Variants in MATR3 observed in about 807,000 individuals in gnomAD.
MATR3 encodes the protein matrin 3, also known as matrin-3.
MATR3 carries 4 observed loss-of-function variants against 85.5 expected under a neutral mutation model. The ratio of observed to expected loss-of-function variants is 0.05; its 90% confidence interval spans 0.02 to 0.11. MATR3 has a LOEUF of 0.11. Ranked by LOEUF, MATR3 falls within the 10% of genes least tolerant of loss-of-function variation. The pLI is 1.00. For missense variants in MATR3, 685 were observed against 1,016.1 expected (o/e 0.67, Z 4.43); for synonymous variants, 336 against 343.1 (o/e 0.98, Z 0.23).
Position 139,318,943 on chromosome 5 carries a change from G to A in MATR3, c.1344G>A (p.Gln448=). 6.2e-7 allele frequency: 1 copy of A among 1,614,126 alleles called. No homozygotes were observed. The highest frequency in any genetic ancestry group is 2.2e-5 in the East Asian group (1 of 44,890). Residue 448 remains glutamine (Q), a synonymous_variant, in exon 8 of 15, where the codon CAG becomes CAA. Coordinates refer to ENST00000394805, the MANE Select transcript of MATR3 (RefSeq NM_018834.6). ...FIEMATTEDA[Q]AAVDYYTTTP... is the part of the protein sequence containing the mutation. ...AAATGGCAACCACAGAGGATGCTCA[G>A]GCCGCAGTGGATTATTACACAACCA... is the stretch of plus-strand genomic sequence containing the variant.
Position 139,325,485 on chromosome 5 carries a change from G to A in MATR3, c.2194G>A (p.Glu732Lys), listed in dbSNP as rs754841741. The A allele has an allele frequency of 6.2e-7, 1 of 1,614,162 alleles. No individual in the cohort carries two copies. The highest frequency in any genetic ancestry group is 8.5e-7 in the Non-Finnish European group (1 of 1,180,032). Residue 732 changes from glutamate (E) to lysine (K), a missense_variant, in exon 13 of 15, where the codon GAA becomes AAA. Around this residue, in one of 9 missense-constraint regions of MATR3, gnomAD observed 215 missense variants for 194.7 expected, o/e 1.10. Transcript: ENST00000394805. ...TGATCAAGAAAACGAAGCAGCGTTG[G>A]AAAATGGAATTAAAAATGAGGAAAA... ...ELDQENEAAL[E>K]NGIKNEENTE...
intron 1 of MATR3, among the ~76,000 whole-genome samples, chr5:139,306,675 A>G (rs1355326267): frequency 6.6e-6 from 1 of 152,102 alleles, no homozygotes; most frequent in Non-Finnish European, 1.5e-5. Context: ...ATCTATCTTC[A>G]CCTCAAATTG....
At chr5:139,299,150 G>A (rs1201137118) in intron 1 of MATR3, among the ~76,000 whole-genome samples, 1 of 152,138 alleles carries the variant, frequency 6.6e-6, no homozygotes, top group Non-Finnish European at 1.5e-5. Context: ...TATATACACT[G>A]GTTTGTATAA....
intron 3 of MATR3, chr5:139,315,176 CT>C (rs1205058560): frequency 1.5e-5 from 3 of 196,304 alleles, no homozygotes; most frequent in Non-Finnish European, 3.1e-5. Context: ...CTTTTGAGAT[CT>C]TTGGTTTTGA....
At chr5:139,320,741 TA>T (rs1755517396) in intron 9 of MATR3, among the ~76,000 whole-genome samples, 1 of 146,450 alleles carries the variant, frequency 6.8e-6, no homozygotes, top group Admixed American at 6.9e-5. Flanking sequence ...TTAAGCTTAT[TA>T]CTTTTTTTTT....
At chr5:139,325,220 G>A (rs1755787740) in intron 12 of MATR3, 14 of 1,520,982 alleles carry the variant, frequency 9.2e-6, no homozygotes, top group Non-Finnish European at 1.2e-5. Flanking sequence ...GACGCTATCC[G>A]TTTCCCTTCA....
chr5:139,314,831 C>G (rs941406614), intron 3 of MATR3, 95 bp downstream of exon 3: 1 of 1,079,038 alleles, frequency 9.3e-7, no homozygotes, highest in African/African-American at 1.6e-5. Flanking sequence ...GTAATATCCA[C>G]AATGTTAATA....
chr5:139,287,931 C>T (rs190799411), intron 3 of MATR3, among the ~76,000 whole-genome samples: 1 of 152,254 alleles, frequency 6.6e-6, no homozygotes, highest in East Asian at 1.9e-4. Flanking sequence ...ATTTTGGTGG[C>T]CGGGCATGGT....
At chr5:139,329,309 A>G (rs918839157) in intron 14 of MATR3, 36 bp from the exon 15 acceptor site, 2 of 1,479,984 alleles carry the variant, frequency 1.4e-6, no homozygotes, top group Non-Finnish European at 1.9e-6. Flanking sequence ...CATTTCTCTT[A>G]GGTGACTTAA....
upstream of MATR3, among the ~76,000 whole-genome samples, chr5:139,289,555 A>G (rs150463554): frequency 6.6e-6 from 1 of 152,378 alleles, no homozygotes; most frequent in African/African-American, 2.4e-5. Context: ...TATAATGTCC[A>G]TGTCTTCCTT....
At chr5:139,299,562 C>G (rs1396761345) in intron 1 of MATR3, among the ~76,000 whole-genome samples, 1 of 152,050 alleles carries the variant, frequency 6.6e-6, no homozygotes, top group Non-Finnish European at 1.5e-5. Context: ...GTGGTCCCTG[C>G]TGAGACCAAG....
rs1266717607 is a variant in MATR3 at position 139,329,892 on chromosome 5, G to A, written c.*497G>A. On this transcript the variant is annotated 3_prime_UTR_variant, in exon 15 of 15. Transcript: ENST00000394805. ...TTCATTTTTGGAGAACTTAATTAAC[G>A]TGAGATTGGCAATTGAAATGCAGGT... 2 of 454,476 alleles carry A rather than the reference G, an allele frequency of 4.4e-6. No individual in the cohort carries two copies. Among genetic ancestry groups the A allele is most frequent in the South Asian group, 1.6e-5 (1 of 64,478 alleles). The allele number at this position is 454,476 out of a possible 1,614,324, so 28.2% of individuals were successfully genotyped here. A position where few individuals can be genotyped will look rare whatever the true frequency, so the allele number is the denominator to read the frequency against.
In MATR3 at chr5:139,330,628, A is replaced by G. The variant is rs1244863056; in HGVS notation, c.*1233A>G. On this transcript the variant is annotated 3_prime_UTR_variant, in exon 15 of 15. Transcript: ENST00000394805. The stretch of plus-strand genomic sequence containing the variant: ...AGTGAGGCCATTTGTGGTTTTTAAA[A>G]ACCTTATGAATTAAAAATGCTACAG... 5 of 454,028 alleles carry G rather than the reference A, an allele frequency of 1.1e-5. No homozygotes were observed. Among genetic ancestry groups the G allele is most frequent in the Non-Finnish European group, 1.8e-5 (4 of 226,804 alleles). The allele number at this position is 454,028 out of a possible 1,614,324, so 28.1% of individuals were successfully genotyped here.
chr5:139,302,995 T>TAAACCATAAACAA (rs961296361), intron 1 of MATR3, among the ~76,000 whole-genome samples: 1 of 152,148 alleles, frequency 6.6e-6, no homozygotes, highest in Non-Finnish European at 1.5e-5. Context: ...GTTTTATGGT[T>TAAACCATAAACAA]AAACCATAAA....
rs1756068487 is a variant in MATR3 at position 139,330,178 on chromosome 5, A to G, written c.*783A>G. 2 of 454,342 alleles carry G rather than the reference A, an allele frequency of 4.4e-6. No homozygotes were observed. The highest frequency in any genetic ancestry group is 8.8e-6 in the Non-Finnish European group (2 of 226,674). The allele number at this position is 454,342 out of a possible 1,614,324, so 28.1% of individuals were successfully genotyped here. On this transcript the variant is annotated 3_prime_UTR_variant, in exon 15 of 15. Transcript: ENST00000394805. ...ATTTGATTTTTGAAGTGTGTAGACC[A>G]TCTCTTCATATTTTCAAGATGTAAT...
At chr5:139,293,687 G>A (rs1165360471), upstream of MATR3, 2 of 308,364 alleles carry the variant, frequency 6.5e-6, no homozygotes, top group African/African-American at 2.2e-5. Flanking sequence ...TTTGTTCTTG[G>A]GCTGCAGCCG....
chr5:139,299,127 T>C (rs898273828), intron 1 of MATR3, among the ~76,000 whole-genome samples: 1 of 152,226 alleles, frequency 6.6e-6, no homozygotes, highest in African/African-American at 2.4e-5. Context: ...GTTAATGTTT[T>C]GTTTCGTATT....
rs991876703 is a variant in MATR3 at position 139,329,990 on chromosome 5, A to G, written c.*595A>G. 4 of 452,622 alleles carry G rather than the reference A, an allele frequency of 8.8e-6. No individual in the cohort carries two copies. Among genetic ancestry groups the G allele is most frequent in the African/African-American group, 2.0e-5 (1 of 49,796 alleles). 28.0% of individuals were successfully genotyped at this position (452,622 alleles called of 1,614,324 possible). ...TAAGTAATTGGCTTTAGATTTTGTA[A>G]TTTTTTTCCCTGAGTTCCTGCTAGA... is the stretch of plus-strand genomic sequence containing the variant. On this transcript the variant is annotated 3_prime_UTR_variant, in exon 15 of 15. Coordinates refer to ENST00000394805, the MANE Select transcript of MATR3 (RefSeq NM_018834.6).
chr5:139,299,414 C>G (rs1754326145), intron 1 of MATR3, among the ~76,000 whole-genome samples: 1 of 152,176 alleles, frequency 6.6e-6, no homozygotes, highest in South Asian at 2.1e-4. Flanking sequence ...TGGTTCATGT[C>G]TATAACCTCA....
Sources: allele counts gnomAD v4.1 joint callset (sites outside exome capture counted in the v4.1 genomes callset), GRCh38; gene constraint gnomAD v4.1.1; regional missense constraint gnomAD v4.1.1; transcripts MANE v1.5; gene names NCBI Gene and HGNC (gene_info 2026-07-23, HGNC 2026-07-21).